The following TNIP3 variants were observed in gnomAD, a reference collection of about 807,000 sequenced individuals.
TNIP3 encodes the protein TNFAIP3-interacting protein 3.
In TNIP3, 34 loss-of-function variants were observed where a neutral mutation model predicts 54.1. The observed-to-expected ratio is 0.63, with a 90% CI of 0.48 to 0.84. The LOEUF is 0.84. Among genes scored for constraint, TNIP3 ranks in the 40% least tolerant of loss-of-function variants. TNIP3 has a pLI of 0.00. For missense variants in TNIP3, 366 were observed against 387.6 expected (o/e 0.94, Z 0.47); for synonymous variants, 134 against 136.8 (o/e 0.98, Z 0.14).
intron 1 of TNIP3, among the ~76,000 whole-genome samples, chr4:121,227,104 T>C (rs1727289087): frequency 6.6e-6 from 1 of 152,214 alleles, no homozygotes; most frequent in Non-Finnish European, 1.5e-5. Context: ...CCAAAGCTTA[T>C]TTTATCTGAT....
chr4:121,147,142 T>C lies in TNIP3; in HGVS notation c.642A>G (p.Glu214=). The change falls in exon 7 of 11, where the codon GAA becomes GAG. Residue 214 remains glutamate, a synonymous_variant. Coordinates refer to ENST00000057513, the MANE Select transcript of TNIP3 (RefSeq NM_024873.6). The part of the protein sequence containing the change: ...VQIYEEDFKK[E]RSDRERLNQE... Reference sequence around the variant, plus strand: ...GATTAAGTCTCTCTCGATCCGATCGTTCCTTTTTGAAGTCTTCTTCGTATA... The same window carrying C: ...GATTAAGTCTCTCTCGATCCGATCGCTCCTTTTTGAAGTCTTCTTCGTATA... The C allele has an allele frequency of 6.2e-7, 1 of 1,612,618 alleles. No homozygotes were observed. Among genetic ancestry groups the C allele is most frequent in the Non-Finnish European group, 8.5e-7 (1 of 1,179,398 alleles).
At chr4:121,154,740 T>C in intron 4 of TNIP3, 61 bp from the exon 5 acceptor site, 1 of 1,479,922 alleles carries the variant, frequency 6.8e-7, no homozygotes, top group East Asian at 2.3e-5. Context: ...GATGATATTG[T>C]AGGAATTCTG....
Position 121,154,582 on chromosome 4 carries a change from T to C in TNIP3, c.461A>G (p.His154Arg), listed in dbSNP as rs764153082. The C allele has an allele frequency of 6.2e-7, 1 of 1,614,004 alleles. No homozygotes were observed. Among genetic ancestry groups the C allele is most frequent in the Non-Finnish European group, 8.5e-7 (1 of 1,180,006 alleles). ...KNTLANKEKEHYECEIKRLNK... is the reference protein window; with the variant it reads ...KNTLANKEKERYECEIKRLNK... The stretch of plus-strand genomic sequence containing the variant: ...GAGGCGTTTTATTTCACATTCGTAA[T>C]GTTCCTTTTCCTTGTTCGCAAGAGT... Residue 154 changes from histidine to arginine, a missense_variant, in exon 5 of 11, where the codon CAT (histidine) becomes CGT (arginine). Transcript: ENST00000057513.
At chr4:121,218,338 A>G (rs548105413), upstream of TNIP3, among the ~76,000 whole-genome samples, 1 of 152,308 alleles carries the variant, frequency 6.6e-6, no homozygotes, top group East Asian at 1.9e-4. Context: ...GACAAGATGG[A>G]AATGGTCTCA....
At position 121,208,352 on chromosome 4, in the gene TNIP3, T is replaced by A. The variant is rs115720661; in HGVS notation, c.68+8063A>T. Among the ~76,000 whole-genome samples the A allele has an allele frequency of 8.7e-3, 1,319 of 152,244 alleles. 19 individuals carry two copies. The highest frequency in any genetic ancestry group is 0.029 in the African/African-American group (1,216 of 41,556). On this transcript the variant is annotated intron_variant, in intron 2 of 12. Coordinates refer to the TNIP3 transcript ENST00000507879. ...CCAGGAAGAGATATTTTACAGACCC[T>A]GAACTCAATGTGTCGGCTGGAGCCA...
chr4:121,159,474 AT>A (rs1418127771), intron 2 of TNIP3, among the ~76,000 whole-genome samples: 3 of 151,988 alleles, frequency 2.0e-5, no homozygotes, highest in Non-Finnish European at 2.9e-5. Context: ...ACTTTTTCGT[AT>A]TTTTCTTTGT....
At chr4:121,186,497 A>G (rs1406181210) in intron 2 of TNIP3, among the ~76,000 whole-genome samples, 1 of 152,220 alleles carries the variant, frequency 6.6e-6, no homozygotes, top group Non-Finnish European at 1.5e-5. Flanking sequence ...TAGAAAATCA[A>G]CATGCTTTTA....
intron 1 of TNIP3, among the ~76,000 whole-genome samples, 183 bp downstream of exon 1, chr4:121,163,877 A>G (rs909307117): frequency 6.6e-5 from 10 of 152,176 alleles, no homozygotes; most frequent in African/African-American, 1.7e-4. Flanking sequence ...GTTAAAAGCA[A>G]TGTACTGGTT....
intron 3 of TNIP3, among the ~76,000 whole-genome samples, chr4:121,173,302 CGTT>C (rs1387565701): frequency 2.6e-5 from 4 of 152,286 alleles, no homozygotes; most frequent in African/African-American, 7.2e-5. Flanking sequence ...TGACCTTTGA[CGTT>C]GTATCCAAAC....
intron 2 of TNIP3, among the ~76,000 whole-genome samples, chr4:121,198,629 T>C (rs1725725425): frequency 6.6e-6 from 1 of 152,222 alleles, no homozygotes. Flanking sequence ...TTATTTTGCC[T>C]CTAAACAAAC....
intron 2 of TNIP3, among the ~76,000 whole-genome samples, chr4:121,186,466 G>C (rs1398607981): frequency 6.6e-6 from 1 of 152,166 alleles, no homozygotes; most frequent in Non-Finnish European, 1.5e-5. Flanking sequence ...TGAACCCTCT[G>C]AAAGAAGCAT....
At chr4:121,167,173 G>C (rs1194953648), upstream of TNIP3, among the ~76,000 whole-genome samples, 1 of 152,102 alleles carries the variant, frequency 6.6e-6, no homozygotes, top group Non-Finnish European at 1.5e-5. Flanking sequence ...ACTTGACATT[G>C]TGTGGGTTCC....
At chr4:121,189,076 C>T (rs1179403084) in intron 2 of TNIP3, among the ~76,000 whole-genome samples, 1 of 152,152 alleles carries the variant, frequency 6.6e-6, no homozygotes, top group East Asian at 1.9e-4. Flanking sequence ...TAACCACAGT[C>T]TTAGAAATAA....
At chr4:121,215,880 TAAAAA>T (rs70948385) in intron 2 of TNIP3, among the ~76,000 whole-genome samples, 1 of 133,842 alleles carries the variant, frequency 7.5e-6, no homozygotes, top group Non-Finnish European at 1.6e-5. Flanking sequence ...GGTGCCACAT[TAAAAA>T]AAAAAAAAAA....
At chr4:121,214,408 T>C (rs1382403364) in intron 2 of TNIP3, among the ~76,000 whole-genome samples, 2 of 152,246 alleles carry the variant, frequency 1.3e-5, no homozygotes, top group Non-Finnish European at 2.9e-5. Flanking sequence ...ATTTTCATCA[T>C]TGTTAAATAG....
In TNIP3 at chr4:121,138,610, A is replaced by T; in HGVS notation, c.946+14T>A. 1.9e-6 allele frequency: 3 copies of T among 1,612,136 alleles called. No homozygotes were observed. Among genetic ancestry groups the T allele is most frequent in the Non-Finnish European group, 2.5e-6 (3 of 1,178,202 alleles). On this transcript the variant is annotated intron_variant, in intron 10 of 10. Coordinates refer to ENST00000057513, the MANE Select transcript of TNIP3 (RefSeq NM_024873.6). The stretch of plus-strand genomic sequence containing the variant: ...GTAAACATGAAAGAATGCTCAATAC[A>T]GCTGTGGTCTCACCATTTGCCTTGT...
chr4:121,167,293 A>T (rs1258749043), upstream of TNIP3, among the ~76,000 whole-genome samples: 1 of 152,198 alleles, frequency 6.6e-6, no homozygotes, highest in Non-Finnish European at 1.5e-5. Context: ...AAAACTAAAC[A>T]GTAAATGAAG....
chr4:121,137,318 C>A (rs950944961), intron 10 of TNIP3: 7 of 152,116 alleles, frequency 4.6e-5, no homozygotes, highest in African/African-American at 1.7e-4. Context: ...ATATATTATG[C>A]AACACACATT....
At chr4:121,216,502 TA>T in intron 1 of TNIP3, 2 of 1,535,400 alleles carry the variant, frequency 1.3e-6, no homozygotes, top group East Asian at 4.9e-5. Flanking sequence ...ACATGGAATC[TA>T]AAATAAAAAA....
Sources: gnomAD v4.1 joint callset for allele counts (sites outside exome capture counted in the v4.1 genomes callset) on GRCh38, gnomAD v4.1.1 for gene constraint, MANE v1.5 for transcripts, NCBI Gene and HGNC (gene_info 2026-07-23, HGNC 2026-07-21) for gene names.